The following ADAMTS12 variants were observed in gnomAD, a reference collection of about 807,000 sequenced individuals.
ADAMTS12 encodes ADAM metallopeptidase with thrombospondin type 1 motif 12.
Under a neutral mutation model 167.8 loss-of-function variants are expected in ADAMTS12, and 118 were observed. The observed-to-expected ratio is 0.70, with a 90% CI of 0.61 to 0.82. The LOEUF (loss-of-function observed/expected upper bound fraction) is 0.82, where lower values mean the gene tolerates loss of function less well. Among genes scored for constraint, ADAMTS12 ranks in the 40% least tolerant of loss-of-function variants. ADAMTS12 has a pLI of 0.00. For missense variants in ADAMTS12, 1,916 were observed against 1,998.8 expected, an observed-to-expected ratio of 0.96 and a Z score of 0.79; for synonymous variants, 704 against 716.9, an observed-to-expected ratio of 0.98 and a Z score of 0.29.
At chr5:33,751,678 T>A in intron 2 of ADAMTS12, 130 bp from the exon 3 acceptor site, 1 of 813,242 alleles carries the variant, frequency 1.2e-6, no homozygotes, top group East Asian at 2.6e-5. Flanking sequence ...AGTCTGCTGT[T>A]CGATCTCATA....
chr5:33,708,511 G>A (rs145018704), intron 3 of ADAMTS12, among the ~76,000 whole-genome samples: 1,984 of 152,232 alleles, frequency 0.013, 44 homozygotes, highest in African/African-American at 0.046. Context: ...ATTTACTGCA[G>A]CACTATTCAC....
chr5:33,803,470 G>A (rs976650554), intron 2 of ADAMTS12, among the ~76,000 whole-genome samples: 1 of 152,194 alleles, frequency 6.6e-6, no homozygotes, highest in African/African-American at 2.4e-5. Context: ...GGTTGTGTTT[G>A]ATTCCTTAGG....
intron 16 of ADAMTS12, among the ~76,000 whole-genome samples, 168 bp downstream of exon 16, chr5:33,614,070 C>T (rs757648549): frequency 1.4e-4 from 21 of 152,340 alleles, no homozygotes; most frequent in Non-Finnish European, 2.2e-4. Context: ...GAAAAACTGC[C>T]TCTCTTCAAA....
intron 2 of ADAMTS12, among the ~76,000 whole-genome samples, chr5:33,827,714 GATAGA>G (rs1748137616): frequency 5.3e-5 from 1 of 18,806 alleles, no homozygotes. Flanking sequence ...AAACAAAATA[GATAGA>G]TAGATAGATA....
At chr5:33,793,726 G>A (rs1746664420) in intron 2 of ADAMTS12, among the ~76,000 whole-genome samples, 1 of 152,050 alleles carries the variant, frequency 6.6e-6, no homozygotes, top group South Asian at 2.1e-4. Context: ...GCCTCACTCA[G>A]CTCCCATGCA....
At chr5:33,860,011 C>A (rs1027526390) in intron 2 of ADAMTS12, among the ~76,000 whole-genome samples, 1 of 152,178 alleles carries the variant, frequency 6.6e-6, no homozygotes, top group Non-Finnish European at 1.5e-5. Context: ...CCAAATGTCA[C>A]CAACATCAAA....
At chr5:33,636,389 A>G (rs1165670381) in intron 12 of ADAMTS12, among the ~76,000 whole-genome samples, 1 of 152,204 alleles carries the variant, frequency 6.6e-6, no homozygotes, top group African/African-American at 2.4e-5. Context: ...ACACCTGAGT[A>G]TATGTCTGAG....
intron 19 of ADAMTS12, among the ~76,000 whole-genome samples, chr5:33,563,223 T>C (rs1365110247): frequency 6.6e-6 from 1 of 152,200 alleles, no homozygotes; most frequent in Non-Finnish European, 1.5e-5. Context: ...TATAGATTGA[T>C]AGCACTAATG....
At chr5:33,652,402 A>G (rs1234587269) in intron 7 of ADAMTS12, among the ~76,000 whole-genome samples, 1 of 151,906 alleles carries the variant, frequency 6.6e-6, no homozygotes, top group Non-Finnish European at 1.5e-5. Flanking sequence ...GATTTTTTAT[A>G]TGTTTATTGG....
intron 2 of ADAMTS12, among the ~76,000 whole-genome samples, chr5:33,830,067 C>T (rs1748234670): frequency 6.6e-6 from 1 of 152,156 alleles, no homozygotes; most frequent in Non-Finnish European, 1.5e-5. Context: ...TAAATCAAAG[C>T]TAGGATCTCA....
chr5:33,762,895 T>C (rs1488732367), intron 2 of ADAMTS12, among the ~76,000 whole-genome samples: 2 of 151,962 alleles, frequency 1.3e-5, no homozygotes, highest in Non-Finnish European at 2.9e-5. Flanking sequence ...TCTCTTTAAG[T>C]AGGAGGTAAG....
intron 17 of ADAMTS12, 89 bp downstream of exon 17, chr5:33,595,845 T>C: frequency 5.2e-6 from 8 of 1,539,506 alleles, no homozygotes; most frequent in Middle Eastern, 1.7e-4. Context: ...AACCACACAA[T>C]ATTTCTTTAT....
intron 2 of ADAMTS12, among the ~76,000 whole-genome samples, chr5:33,824,147 G>A (rs1001874392): frequency 5.3e-5 from 8 of 152,144 alleles, no homozygotes; most frequent in African/African-American, 1.9e-4. Context: ...ATCATAACAA[G>A]CACTAAGATA....
chr5:33,847,632 A>C (rs1481870559), intron 2 of ADAMTS12, among the ~76,000 whole-genome samples: 1 of 152,014 alleles, frequency 6.6e-6, no homozygotes, highest in African/African-American at 2.4e-5. Flanking sequence ...TCAAAAAAAA[A>C]AAGAAAGAAA....
chr5:33,757,008 A>C (rs1745193897), intron 2 of ADAMTS12, among the ~76,000 whole-genome samples: 1 of 152,244 alleles, frequency 6.6e-6, no homozygotes, highest in Non-Finnish European at 1.5e-5. Context: ...AATTAGCTTA[A>C]ATTTAAGCAG....
In ADAMTS12 at chr5:33,658,177, C is replaced by T. The variant is rs376458021; in HGVS notation, c.1190+7G>A. 4 of 1,613,058 alleles carry T rather than the reference C, an allele frequency of 2.5e-6. No individual in the cohort carries two copies. The African/African-American group carries it at 4.0e-5, about 16-fold the overall frequency. The stretch of plus-strand genomic sequence containing the variant: ...GTGAGCAAACCTCCCTATCATTGGC[C>T]CTTTACCTGTGTCCTAGCTCATGGG... On this transcript the variant is annotated splice_region_variant and intron_variant, in intron 7 of 23. Transcript: ENST00000504830.
chr5:33,692,786 A>G (rs1742596905), intron 3 of ADAMTS12, among the ~76,000 whole-genome samples: 1 of 152,222 alleles, frequency 6.6e-6, no homozygotes, highest in Admixed American at 6.5e-5. Context: ...CAGTCTGTTA[A>G]CATAGGAATA....
At chr5:33,863,623 T>A (rs1031794779) in intron 2 of ADAMTS12, among the ~76,000 whole-genome samples, 1 of 152,156 alleles carries the variant, frequency 6.6e-6, no homozygotes, top group Admixed American at 6.5e-5. Flanking sequence ...AAAATGGCCA[T>A]ACTGACCAAA....
chr5:33,784,354 C>T lies in ADAMTS12; in HGVS notation c.490-32806G>A, dbSNP rs571648697. Reference sequence around the variant, plus strand: ...CAACATTGTACTGATGGTGAGCCAACGTGATAAGACAAGCAAAAGAAATTA... The same window carrying T: ...CAACATTGTACTGATGGTGAGCCAATGTGATAAGACAAGCAAAAGAAATTA... On this transcript the variant is annotated intron_variant, in intron 2 of 23. Transcript: ENST00000504830. 5.3e-5 allele frequency among the ~76,000 whole-genome samples: 8 copies of T among 151,760 alleles called. No individual in the cohort carries two copies. The South Asian group carries it at 1.0e-3, about 20-fold the overall frequency.
Sources: gnomAD v4.1 joint callset for allele counts (sites outside exome capture counted in the v4.1 genomes callset) on GRCh38, gnomAD v4.1.1 for gene constraint, MANE v1.5 for transcripts, NCBI Gene and HGNC (gene_info 2026-07-23, HGNC 2026-07-21) for gene names.